Variants in GLRA1 observed in about 807,000 individuals in gnomAD.
GLRA1 encodes the protein glycine receptor alpha 1, also known as glycine receptor subunit alpha-1.
Under a neutral mutation model 48.3 loss-of-function variants are expected in GLRA1, and 37 were observed. That is an observed-to-expected ratio of 0.77 (90% CI 0.59 to 1.01). The LOEUF (loss-of-function observed/expected upper bound fraction) is 1.01. Ranked by LOEUF, GLRA1 falls within the 50% of genes least tolerant of loss-of-function variation. GLRA1 has a pLI of 0.00. For missense variants in GLRA1, 427 were observed against 571.0 expected (o/e 0.75, Z 2.57); for synonymous variants, 196 against 210.7 (o/e 0.93, Z 0.60).
intron 1 of GLRA1, among the ~76,000 whole-genome samples, chr5:151,916,571 G>A (rs1754747566): frequency 6.6e-6 from 1 of 152,238 alleles, no homozygotes; most frequent in Non-Finnish European, 1.5e-5. Flanking sequence ...GTGGTAGAAT[G>A]TGGCAGTGGT....
intron 2 of GLRA1, among the ~76,000 whole-genome samples, chr5:151,887,709 G>A (rs1227494895): frequency 6.6e-6 from 1 of 152,130 alleles, no homozygotes; most frequent in Non-Finnish European, 1.5e-5. Context: ...GGAAGGAAGG[G>A]GCATGCTCAC....
chr5:151,886,148 G>T (rs1753899538), intron 3 of GLRA1, among the ~76,000 whole-genome samples: 1 of 152,084 alleles, frequency 6.6e-6, no homozygotes. Flanking sequence ...TTCACCCCTT[G>T]CAGAAATTTG....
At chr5:151,879,751 A>C (rs960780425) in intron 3 of GLRA1, among the ~76,000 whole-genome samples, 2 of 152,202 alleles carry the variant, frequency 1.3e-5, no homozygotes, top group Non-Finnish European at 2.9e-5. Flanking sequence ...TGCTGAAATG[A>C]ATTAAGCCTT....
intron 1 of GLRA1, among the ~76,000 whole-genome samples, chr5:151,915,845 A>G (rs899903634): frequency 6.6e-6 from 1 of 152,246 alleles, no homozygotes; most frequent in Middle Eastern, 3.4e-3. Flanking sequence ...GAGGTAATGT[A>G]TGCAGACATT....
intron 3 of GLRA1, among the ~76,000 whole-genome samples, chr5:151,860,287 G>A (rs529628301): frequency 6.6e-6 from 1 of 152,152 alleles, no homozygotes; most frequent in South Asian, 2.1e-4. Flanking sequence ...TTAAACTAAA[G>A]AAAAATTCAA....
At chr5:151,850,234 G>C in intron 7 of GLRA1, 1 of 1,604,612 alleles carries the variant, frequency 6.2e-7, no homozygotes, top group Admixed American at 1.7e-5. Flanking sequence ...TTGTATGCTG[G>C]AGCCAAGATG....
chr5:151,881,130 C>G (rs1226384213), intron 3 of GLRA1, among the ~76,000 whole-genome samples: 3 of 152,158 alleles, frequency 2.0e-5, no homozygotes, highest in Non-Finnish European at 2.9e-5. Context: ...TCCACGATCC[C>G]TCAGTATATA....
chr5:151,923,589 A>G (rs1220996099), intron 1 of GLRA1, among the ~76,000 whole-genome samples: 1 of 152,224 alleles, frequency 6.6e-6, no homozygotes, highest in East Asian at 1.9e-4. Flanking sequence ...TTACTAAAGG[A>G]CTATCTATTT....
chr5:151,849,251 C>CTT (rs1752807259), intron 7 of GLRA1, among the ~76,000 whole-genome samples: 1 of 54,982 alleles, frequency 1.8e-5, no homozygotes, highest in Non-Finnish European at 3.6e-5. Flanking sequence ...CCTTCCTTCC[C>CTT]TTCTTTCTTT....
chr5:151,924,432 A>G (rs1340515811), intron 1 of GLRA1, 62 bp downstream of exon 1: 7 of 980,734 alleles, frequency 7.1e-6, no homozygotes, highest in Admixed American at 1.7e-5. Context: ...GGACAGAGGT[A>G]GCCTCCGTAC....
rs1328520178 is a variant in GLRA1 at position 151,892,365 on chromosome 5, T to A, written c.130A>T (p.Lys44Ter). ...TATCCGGAGGTTCTCCCCATTAGCT[T>A]ATCCAGGAAATCCGAGGGTGACATA... ...KPMSPSDFLD[K>*]LMGRTSGYDA... The change falls in exon 2 of 9, where the codon AAG (lysine) becomes TAG (stop). Residue 44 changes from lysine to a stop codon, truncating the protein, a stop_gained. Coordinates refer to ENST00000274576, the MANE Select transcript of GLRA1 (RefSeq NM_000171.4). LOFTEE classifies it high-confidence loss of function. The A allele has an allele frequency of 6.2e-7, 1 of 1,613,982 alleles. No homozygotes were observed. The highest frequency in any genetic ancestry group is 1.1e-5 in the South Asian group (1 of 91,080).
chr5:151,829,903 C>A (rs1466444960), intron 7 of GLRA1, among the ~76,000 whole-genome samples: 2 of 152,206 alleles, frequency 1.3e-5, no homozygotes, highest in Non-Finnish European at 2.9e-5. Context: ...ATCAGTATTT[C>A]ATTCCTTTTT....
intron 3 of GLRA1, among the ~76,000 whole-genome samples, chr5:151,871,391 G>A (rs1313026057): frequency 6.7e-5 from 10 of 149,106 alleles, no homozygotes; most frequent in Non-Finnish European, 1.5e-4. Context: ...AACCTAACAT[G>A]AAATATGTGA....
At chr5:151,903,084 C>G (rs1405273309) in intron 1 of GLRA1, among the ~76,000 whole-genome samples, 2 of 152,070 alleles carry the variant, frequency 1.3e-5, no homozygotes, top group East Asian at 3.9e-4. Flanking sequence ...GAAAAAAAAG[C>G]CAAGCTGCAA....
intron 7 of GLRA1, among the ~76,000 whole-genome samples, chr5:151,833,796 C>CAAAAAAAAAAAAAAAAAAAAAAAA (rs757336792): frequency 3.1e-5 from 2 of 64,778 alleles, no homozygotes; most frequent in African/African-American, 6.3e-5. Flanking sequence ...AAGTGGAAAG[C>CAAAAAAAAAAAAAAAAAAAAAAAA]AAAAAAAAAA....
intron 7 of GLRA1, chr5:151,848,820 C>T: frequency 4.2e-6 from 2 of 480,560 alleles, no homozygotes; most frequent in East Asian, 4.5e-5. Flanking sequence ...CTCTCCTCTC[C>T]TCACCTCACT....
At position 151,838,252 on chromosome 5, in the gene GLRA1, C is replaced by T. The variant is rs1363000039; in HGVS notation, c.913-9185G>A. Among the ~76,000 whole-genome samples the T allele has an allele frequency of 2.0e-5, 3 of 151,982 alleles. No homozygotes were observed. In the East Asian group the frequency reaches 5.8e-4, roughly 29 times the overall value. ...GGAGGCTGAGGCAGGTAGATCACCTCAGGTCAGGAGTTTGAGACCAGCCTG... is the reference window on the plus strand; with the variant it reads ...GGAGGCTGAGGCAGGTAGATCACCTTAGGTCAGGAGTTTGAGACCAGCCTG... On this transcript the variant is annotated intron_variant, in intron 7 of 8. Coordinates refer to ENST00000274576, the MANE Select transcript of GLRA1 (RefSeq NM_000171.4).
intron 8 of GLRA1, among the ~76,000 whole-genome samples, chr5:151,825,358 A>G (rs1170770586): frequency 6.6e-6 from 1 of 152,172 alleles, no homozygotes; most frequent in East Asian, 1.9e-4. Context: ...GGAAGCACCA[A>G]ATTAACTTTT....
chr5:151,843,652 A>G (rs1752575316), intron 7 of GLRA1, among the ~76,000 whole-genome samples: 1 of 152,212 alleles, frequency 6.6e-6, no homozygotes, highest in Non-Finnish European at 1.5e-5. Context: ...TGGAGGACTC[A>G]CACTTCCAAA....
Sources: allele counts gnomAD v4.1 joint callset (sites outside exome capture counted in the v4.1 genomes callset), GRCh38; gene constraint gnomAD v4.1.1; transcripts MANE v1.5; gene names NCBI Gene and HGNC (gene_info 2026-07-23, HGNC 2026-07-21).